Variants in SP110 observed in about 807,000 individuals in gnomAD.
SP110 encodes interferon-induced protein 41, 30kD.
SP110 carries 62 observed loss-of-function variants against 92.7 expected under a neutral mutation model. The observed-to-expected ratio is 0.67, with a 90% CI of 0.55 to 0.83. The LOEUF is 0.83. SP110 is among the 40% of genes least tolerant of loss of function. SP110 has a pLI of 0.00. For synonymous variants in SP110, 273 were observed against 305.3 expected, an observed-to-expected ratio of 0.89 and a Z score of 1.10; for missense variants, 793 against 863.9, an observed-to-expected ratio of 0.92 and a Z score of 1.03.
At position 230,165,832 on chromosome 2, in the gene SP110, A is replaced by T. The variant is rs1382793614; in HGVS notation, c.*3292T>A. ...GGCAGAAGAAAAAAAATAGACAAAAATAACATTAAAACATTAAAAAGAGAA... is the reference window on the plus strand; with the variant it reads ...GGCAGAAGAAAAAAAATAGACAAAATTAACATTAAAACATTAAAAAGAGAA... On this transcript the variant is annotated 3_prime_UTR_variant, in exon 19 of 19. Coordinates refer to ENST00000258381, the MANE Select transcript of SP110 (RefSeq NM_080424.4). 2.0e-5 allele frequency among the ~76,000 whole-genome samples: 3 copies of T among 152,174 alleles called. No individual in the cohort carries two copies. Among genetic ancestry groups the T allele is most frequent in the African/African-American group, 7.2e-5 (3 of 41,446 alleles).
At chr2:230,212,498 A>C in intron 4 of SP110, 68 bp from the exon 5 acceptor site, 1 of 1,300,612 alleles carries the variant, frequency 7.7e-7, no homozygotes, top group South Asian at 1.2e-5. Flanking sequence ...TGAATGTTAA[A>C]AGTGCCTGGG....
chr2:230,172,723 C>A, intron 15 of SP110, 121 bp downstream of exon 15: 1 of 681,056 alleles, frequency 1.5e-6, no homozygotes, highest in Non-Finnish European at 2.7e-6. Context: ...CCCAGAGAGG[C>A]CCAGAGTCTC....
rs150796625 is a variant in SP110, at chr2:230,191,444, G to A, written c.1130-5301C>T. Among the ~76,000 whole-genome samples the A allele has an allele frequency of 8.9e-3, 1,360 of 152,122 alleles. 12 individuals are homozygous for A. The highest frequency in any genetic ancestry group is 0.024 in the Middle Eastern group (7 of 294). On this transcript the variant is annotated intron_variant, in intron 10 of 18. Coordinates refer to ENST00000258381, the MANE Select transcript of SP110 (RefSeq NM_080424.4). The stretch of plus-strand genomic sequence containing the variant: ...AAATAGACAGAATAAAAATGATAAG[G>A]GGGAATATCATCACTGATCCCACAG...
chr2:230,219,952 G>A lies in SP110; in HGVS notation c.-80C>T, dbSNP rs2045658898. The A allele has an allele frequency of 1.0e-6, 1 of 985,616 alleles. No homozygotes were observed. Among genetic ancestry groups the A allele is most frequent in the South Asian group, 4.7e-5 (1 of 21,290 alleles). 61.1% of individuals were successfully genotyped at this position (985,616 alleles called of 1,614,324 possible). A position where few individuals can be genotyped will look rare whatever the true frequency, so the allele number is the denominator to read the frequency against. Reference sequence around the variant, plus strand: ...ACTCCTCAAGATTGGGAGAGTTACAGGGAGATGCTAGCAGGCAAAACAGGA... The same window carrying A: ...ACTCCTCAAGATTGGGAGAGTTACAAGGAGATGCTAGCAGGCAAAACAGGA... On this transcript the variant is annotated 5_prime_UTR_variant, in exon 1 of 19. Transcript: ENST00000258381.
At chr2:230,195,444 C>T (rs1278897774) in intron 10 of SP110, among the ~76,000 whole-genome samples, 2 of 152,088 alleles carry the variant, frequency 1.3e-5, no homozygotes, top group Admixed American at 6.6e-5. Context: ...AAGTGATTAT[C>T]GCACCTCAGC....
Position 230,166,202 on chromosome 2 carries a change from A to G in SP110, c.*2922T>C, listed in dbSNP as rs187215646. ...CCACTGCGCCTGGCAGACCACCTAT[A>G]TTACTTTTAACCACAAATGAAATAG... On this transcript the variant is annotated 3_prime_UTR_variant, in exon 19 of 19. Coordinates refer to ENST00000258381, the MANE Select transcript of SP110 (RefSeq NM_080424.4). Among the ~76,000 whole-genome samples the G allele has an allele frequency of 2.6e-4, 39 of 152,288 alleles. No individual in the cohort carries two copies. The highest frequency in any genetic ancestry group is 4.6e-4 in the Non-Finnish European group (31 of 68,024).
chr2:230,209,907 C>G lies in SP110; in HGVS notation c.829+24G>C, dbSNP rs201098230. ...AACTCTGAATTCACCCTTCTGACCTCTACAGAAGAAAGGCTTTTCTTACCT... is the reference window on the plus strand; with the variant it reads ...AACTCTGAATTCACCCTTCTGACCTGTACAGAAGAAAGGCTTTTCTTACCT... On this transcript the variant is annotated intron_variant, in intron 7 of 18. Transcript: ENST00000258381. 4.9e-6 allele frequency: 7 copies of G among 1,435,554 alleles called. No homozygotes were observed. In the South Asian group the frequency reaches 8.0e-5, roughly 16 times the overall value. 88.9% of individuals were successfully genotyped at this position (1,435,554 alleles called of 1,614,324 possible). A position where few individuals can be genotyped will look rare whatever the true frequency, so the allele number is the denominator to read the frequency against.
At chr2:230,214,041 T>A (rs764770428) in intron 3 of SP110, 1 of 152,258 alleles carries the variant, frequency 6.6e-6, no homozygotes, top group Non-Finnish European at 1.5e-5. Flanking sequence ...AAATATCCAA[T>A]GTGAGCTGGT....
chr2:230,169,302 T>C (rs894207137), intron 18 of SP110, 65 bp from the exon 19 acceptor site: 2 of 977,308 alleles, frequency 2.0e-6, no homozygotes, highest in Non-Finnish European at 3.3e-6. Context: ...AAATCACTCA[T>C]ACTTTTTTTT....
In SP110 at chr2:230,205,323, C is replaced by G. The variant is rs1369563028; in HGVS notation, c.899-2595G>C. Among the ~76,000 whole-genome samples, 3 of 152,166 alleles carry G rather than the reference C, an allele frequency of 2.0e-5. 1 individual carries two copies. Among genetic ancestry groups the G allele is most frequent in the East Asian group, 3.8e-4 (2 of 5,202 alleles). ...TTCACTTCCTACCACCTTCTTTCTT[C>G]ATCATCACCAACAACACTGGTCTTT... On this transcript the variant is annotated intron_variant, in intron 8 of 18. Coordinates refer to ENST00000258381, the MANE Select transcript of SP110 (RefSeq NM_080424.4).
At position 230,168,180 on chromosome 2, in the gene SP110, G is replaced by A. The variant is rs1248256456; in HGVS notation, c.*944C>T. On this transcript the variant is annotated 3_prime_UTR_variant, in exon 19 of 19. Transcript: ENST00000258381. ...ATCAATAAAGGTATTAACTGCAATG[G>A]TTTGTAGCATGCTACGTATATTTAA... 2.7e-5 allele frequency: 4 copies of A among 149,152 alleles called. No homozygotes were observed. Among genetic ancestry groups the A allele is most frequent in the Admixed American group, 2.7e-4 (4 of 14,930 alleles). 9.2% of individuals were successfully genotyped at this position (149,152 alleles called of 1,614,324 possible).
chr2:230,204,874 T>A (rs1372088377), intron 8 of SP110, among the ~76,000 whole-genome samples: 2 of 151,994 alleles, frequency 1.3e-5, no homozygotes, highest in Non-Finnish European at 2.9e-5. Flanking sequence ...GAATATAGCA[T>A]CCAAAGAGAA....
chr2:230,194,216 C>A (rs1380405790), intron 10 of SP110, among the ~76,000 whole-genome samples: 1 of 152,128 alleles, frequency 6.6e-6, no homozygotes, highest in South Asian at 2.1e-4. Flanking sequence ...GATCTCTTCC[C>A]AGGCTGGCTC....
At chr2:230,217,659 A>C (rs979829959) in intron 1 of SP110, among the ~76,000 whole-genome samples, 4 of 152,228 alleles carry the variant, frequency 2.6e-5, no homozygotes, top group Non-Finnish European at 4.4e-5. Flanking sequence ...GAAATGTTTA[A>C]TAACTTGCCC....
chr2:230,192,144 A>G (rs2042662041), intron 10 of SP110, among the ~76,000 whole-genome samples: 1 of 149,054 alleles, frequency 6.7e-6, no homozygotes, highest in African/African-American at 2.6e-5. Flanking sequence ...TCAAAATAAT[A>G]AGAGCTATTT....
At position 230,183,699 on chromosome 2, in the gene SP110, G is replaced by T. The variant is rs895929874; in HGVS notation, c.1280-59C>A. 4.6e-6 allele frequency: 5 copies of T among 1,090,188 alleles called. No homozygotes were observed. The African/African-American group carries it at 4.6e-5, about 10-fold the overall frequency. 67.5% of individuals were successfully genotyped at this position (1,090,188 alleles called of 1,614,324 possible). On this transcript the variant is annotated intron_variant, in intron 11 of 18. Coordinates refer to ENST00000258381, the MANE Select transcript of SP110 (RefSeq NM_080424.4). ...AAACATAGATTTATAAGCCTCATAG[G>T]TTAACAATCTTCAAGCATTTTTTCC...
chr2:230,199,205 CTTTT>C (rs35807015), intron 10 of SP110, among the ~76,000 whole-genome samples: 3 of 89,464 alleles, frequency 3.4e-5, no homozygotes, highest in Admixed American at 1.5e-4. Context: ...ACATAATCCT[CTTTT>C]TTTTTTTTTT....
intron 7 of SP110, among the ~76,000 whole-genome samples, chr2:230,208,308 A>G (rs1328556887): frequency 6.6e-6 from 1 of 152,182 alleles, no homozygotes; most frequent in African/African-American, 2.4e-5. Flanking sequence ...TGTGAAATGA[A>G]GGAGAGAGAT....
rs552353718 is a variant in SP110 at position 230,165,280 on chromosome 2, T to C, written c.*3844A>G. Among the ~76,000 whole-genome samples the C allele has an allele frequency of 3.3e-5, 5 of 152,336 alleles. No individual in the cohort carries two copies. The East Asian group carries it at 7.7e-4, about 23-fold the overall frequency. ...CTAAGATATGGTGAATCAGAAAACA[T>C]ACCATCCATGTAATTCTTTTCAAAT... On this transcript the variant is annotated 3_prime_UTR_variant, in exon 19 of 19. Transcript: ENST00000258381.
Sources: gnomAD v4.1 joint callset for allele counts (sites outside exome capture counted in the v4.1 genomes callset) on GRCh38, gnomAD v4.1.1 for gene constraint, MANE v1.5 for transcripts, NCBI Gene and HGNC (gene_info 2026-07-23, HGNC 2026-07-21) for gene names.